Variants in TMEM163 observed in about 807,000 individuals in gnomAD.
The protein encoded by TMEM163 is transmembrane protein 163.
TMEM163 carries 17 observed loss-of-function variants against 29.3 expected under a neutral mutation model. The ratio of observed to expected loss-of-function variants is 0.58; its 90% CI spans 0.40 to 0.87. The LOEUF is 0.87. TMEM163 is among the 40% of genes least tolerant of loss of function. The probability of loss-of-function intolerance (pLI) is 0.00; values close to 1 mark genes in which losing one functional copy is unlikely to be tolerated. For synonymous variants in TMEM163, 157 were observed against 160.6 expected, an observed-to-expected ratio of 0.98 and a Z score of 0.17; for missense variants, 303 against 381.5, an observed-to-expected ratio of 0.79 and a Z score of 1.71.
At chr2:134,535,588 G>A (rs968332673) in intron 4 of TMEM163, among the ~76,000 whole-genome samples, 14 of 152,070 alleles carry the variant, frequency 9.2e-5, no homozygotes, top group East Asian at 1.9e-4. Flanking sequence ...TATACGAGAC[G>A]AATAAGTTCT....
intron 2 of TMEM163, among the ~76,000 whole-genome samples, chr2:134,568,370 C>CA (rs1341074889): frequency 6.6e-6 from 1 of 151,772 alleles, no homozygotes; most frequent in African/African-American, 2.4e-5. Context: ...ACTAAAAATA[C>CA]AAAAAAATTA....
chr2:134,537,110 A>T (rs917659969), intron 4 of TMEM163, among the ~76,000 whole-genome samples: 17 of 152,202 alleles, frequency 1.1e-4, no homozygotes, highest in Admixed American at 1.0e-3. Context: ...CCCAAACCAC[A>T]TCTCTAATAC....
chr2:134,669,911 A>G (rs2104865810), intron 2 of TMEM163, among the ~76,000 whole-genome samples: 1 of 152,310 alleles, frequency 6.6e-6, no homozygotes, highest in East Asian at 1.9e-4. Flanking sequence ...TTCCCTGACC[A>G]GGCACCATGT....
intron 2 of TMEM163, among the ~76,000 whole-genome samples, chr2:134,564,841 A>T (rs1681262078): frequency 6.6e-6 from 1 of 152,232 alleles, no homozygotes; most frequent in Admixed American, 6.5e-5. Flanking sequence ...AAAAGCTGAC[A>T]GTTTCAAACG....
At chr2:134,635,475 C>T (rs1022587958) in intron 2 of TMEM163, among the ~76,000 whole-genome samples, 11 of 152,156 alleles carry the variant, frequency 7.2e-5, no homozygotes, top group African/African-American at 2.4e-4. Context: ...CTCAGAGTGA[C>T]AAAATCTTCT....
intron 2 of TMEM163, among the ~76,000 whole-genome samples, chr2:134,596,126 A>G (rs1473877670): frequency 6.6e-6 from 1 of 152,092 alleles, no homozygotes; most frequent in African/African-American, 2.4e-5. Flanking sequence ...ATTCGATCTC[A>G]TTTGTCAATT....
chr2:134,479,074 C>T (rs1399269756), intron 5 of TMEM163, among the ~76,000 whole-genome samples: 1 of 152,210 alleles, frequency 6.6e-6, no homozygotes, highest in Non-Finnish European at 1.5e-5. Context: ...AACCTGGAGG[C>T]AGGCCCTCAC....
At chr2:134,509,857 G>A (rs988271112) in intron 4 of TMEM163, among the ~76,000 whole-genome samples, 7 of 152,244 alleles carry the variant, frequency 4.6e-5, no homozygotes, top group Non-Finnish European at 4.4e-5. Flanking sequence ...TAAGCTGGGT[G>A]TACAATGGAC....
At chr2:134,627,128 T>A (rs1475151743) in intron 2 of TMEM163, among the ~76,000 whole-genome samples, 1 of 152,236 alleles carries the variant, frequency 6.6e-6, no homozygotes, top group Non-Finnish European at 1.5e-5. Flanking sequence ...ATACTATACA[T>A]TATATTTATT....
At chr2:134,594,371 TGA>T (rs1337818133) in intron 2 of TMEM163, among the ~76,000 whole-genome samples, 5 of 152,278 alleles carry the variant, frequency 3.3e-5, no homozygotes, top group African/African-American at 1.2e-4. Context: ...GACTTTACTG[TGA>T]GTTTCCAGTG....
chr2:134,571,690 G>A (rs1481454817), intron 2 of TMEM163, among the ~76,000 whole-genome samples: 4 of 152,194 alleles, frequency 2.6e-5, no homozygotes, highest in African/African-American at 9.6e-5. Flanking sequence ...AAGTCTGGAG[G>A]AAACTAGGCA....
chr2:134,501,187 C>G (rs983706922), intron 5 of TMEM163, among the ~76,000 whole-genome samples: 14 of 152,244 alleles, frequency 9.2e-5, no homozygotes, highest in South Asian at 2.1e-4. Context: ...ATCAAAGGTA[C>G]AGATGGTATG....
intron 2 of TMEM163, among the ~76,000 whole-genome samples, chr2:134,625,934 T>C (rs4954155): frequency 0.66 from 99,946 of 151,804 alleles, 34,482 homozygotes; most frequent in African/African-American, 0.83. Context: ...TTCCCATTGC[T>C]GCTATAACAA....
chr2:134,458,120 C>A lies in TMEM163; in HGVS notation c.721G>T (p.Glu241Ter). 1 of 1,614,194 alleles carries A rather than the reference C, an allele frequency of 6.2e-7. No homozygotes were observed. The highest frequency in any genetic ancestry group is 8.5e-7 in the Non-Finnish European group (1 of 1,180,042). ...ACCGCCGAGTCATGCTTGAACACTT[C>A]CGCGCTCAGAAGAATGGAGAAGCCC... is the stretch of plus-strand genomic sequence containing the variant. ...VMGFSILLSA[E>*]VFKHDSAVWY... The change falls in exon 7 of 8, where the codon GAA becomes TAA. Residue 241 changes from glutamate to a stop codon, truncating the protein, a stop_gained. Transcript: ENST00000281924. LOFTEE classifies it high-confidence loss of function.
intron 2 of TMEM163, among the ~76,000 whole-genome samples, chr2:134,603,032 C>A (rs72984299): frequency 0.043 from 6,534 of 152,200 alleles, 479 homozygotes; most frequent in African/African-American, 0.15. Flanking sequence ...CAGGACTGAT[C>A]TCACCTCCAA....
intron 2 of TMEM163, among the ~76,000 whole-genome samples, chr2:134,643,260 C>T (rs1260020105): frequency 6.6e-6 from 1 of 151,948 alleles, no homozygotes; most frequent in Admixed American, 6.6e-5. Flanking sequence ...CAATTCCTCC[C>T]TAAACTACCA....
At chr2:134,661,839 G>A (rs1486526956) in intron 2 of TMEM163, among the ~76,000 whole-genome samples, 2 of 152,026 alleles carry the variant, frequency 1.3e-5, no homozygotes, top group African/African-American at 4.8e-5. Flanking sequence ...TTTCAAAATG[G>A]GGAGTTTTAA....
At chr2:134,549,908 A>G (rs1680875192) in intron 4 of TMEM163, among the ~76,000 whole-genome samples, 1 of 152,146 alleles carries the variant, frequency 6.6e-6, no homozygotes, top group African/African-American at 2.4e-5. Flanking sequence ...ACGAAAGAGG[A>G]ATTGTCTTTT....
At chr2:134,650,532 GTTTT>G (rs943098669) in intron 2 of TMEM163, among the ~76,000 whole-genome samples, 4 of 36,034 alleles carry the variant, frequency 1.1e-4, no homozygotes, top group East Asian at 9.8e-4. Flanking sequence ...TTGTTTGTTT[GTTTT>G]GTTTTTTGTT....
Sources: gnomAD v4.1 joint callset for allele counts (sites outside exome capture counted in the v4.1 genomes callset) on GRCh38, gnomAD v4.1.1 for gene constraint, MANE v1.5 for transcripts, NCBI Gene and HGNC (gene_info 2026-07-23, HGNC 2026-07-21) for gene names.